GALNT15: variants seen among roughly 807,000 people sequenced by gnomAD.
GALNT15 encodes the protein polypeptide N-acetylgalactosaminyltransferase 15.
GALNT15 carries 67 observed loss-of-function variants against 66.8 expected under a neutral mutation model. The ratio of observed to expected loss-of-function variants is 1.00; its 90% confidence interval spans 0.82 to 1.23. GALNT15 has a LOEUF of 1.23. Ranked by LOEUF, GALNT15 falls within the 50% of genes most tolerant of loss-of-function variation. The pLI is 0.00. For synonymous variants in GALNT15, 313 were observed against 311.5 expected (o/e 1.00, Z -0.05); for missense variants, 827 against 804.3 (o/e 1.03, Z -0.34).
In GALNT15 at chr3:16,175,737, G is replaced by A. The variant is rs758534312; in HGVS notation, c.539+47G>A. 4.4e-5 allele frequency: 65 copies of A among 1,492,598 alleles called. 1 individual carries two copies. Among genetic ancestry groups the A allele is most frequent in the South Asian group, 2.8e-4 (21 of 74,862 alleles). The allele number at this position is 1,492,598 out of a possible 1,614,324, so 92.5% of individuals were successfully genotyped here. A position where few individuals can be genotyped will look rare whatever the true frequency, so the allele number is the denominator to read the frequency against. On this transcript the variant is annotated intron_variant, in intron 1 of 9. Transcript: ENST00000339732. The surrounding 1 kb of genome is among the most constrained non-coding windows in gnomAD (Gnocchi z 5.6). ...CCTTCCCTGATCCCAGGGCATGATCGGGTGGTAGCAAACTCGGGAATGCAA... is the reference window on the plus strand; with the variant it reads ...CCTTCCCTGATCCCAGGGCATGATCAGGTGGTAGCAAACTCGGGAATGCAA...
In GALNT15 at chr3:16,200,885, C is replaced by A; in HGVS notation, c.911+62C>A. 1 of 1,284,420 alleles carries A rather than the reference C, an allele frequency of 7.8e-7. No homozygotes were observed. The highest frequency in any genetic ancestry group is 1.1e-6 in the Non-Finnish European group (1 of 933,332). 79.6% of individuals were successfully genotyped at this position (1,284,420 alleles called of 1,614,324 possible). A position where few individuals can be genotyped will look rare whatever the true frequency, so the allele number is the denominator to read the frequency against. On this transcript the variant is annotated intron_variant, in intron 3 of 9. Transcript: ENST00000339732. The surrounding 1 kb of genome is among the most constrained non-coding windows in gnomAD (Gnocchi z 4.4). ...AACTGGGAGAAACAGTCTACAGCAT[C>A]AGCCACTCACAGAGCAACCCACCTA...
chr3:16,200,691 G>A lies in GALNT15; in HGVS notation c.779G>A (p.Arg260Lys). The A allele has an allele frequency of 6.2e-7, 1 of 1,610,484 alleles. No homozygotes were observed. Residue 260 changes from arginine (R) to lysine (K), a missense_variant, in exon 3 of 10, where the codon AGG becomes AAG. Transcript: ENST00000339732. This position sits in a 1 kb window ranked among gnomAD's most constrained non-coding sequence, Gnocchi z 4.4. The stretch of plus-strand genomic sequence containing the variant: ...GTGAAGTTACTCAGGAGCAACAAGA[G>A]GCTGGGTGCCATCAGGGCCCGGATG... ...EGVKLLRSNK[R>K]LGAIRARMLG...
rs929718887 is a variant in GALNT15 at position 16,229,605 on chromosome 3, C to T, written c.*2105C>T. Reference sequence around the variant, plus strand: ...GAGCTACAAATTCTCAGATGGCGACCGTGTAAATGGTATTAGCGGCTGAAG... The same window carrying T: ...GAGCTACAAATTCTCAGATGGCGACTGTGTAAATGGTATTAGCGGCTGAAG... On this transcript the variant is annotated 3_prime_UTR_variant, in exon 10 of 10. Transcript: ENST00000339732. 25 of 985,172 alleles carry T rather than the reference C, an allele frequency of 2.5e-5. No homozygotes were observed. In the African/African-American group the frequency reaches 2.6e-4, roughly 10 times the overall value. The allele number at this position is 985,172 out of a possible 1,614,324, so 61.0% of individuals were successfully genotyped here. A position where few individuals can be genotyped will look rare whatever the true frequency, so the allele number is the denominator to read the frequency against.
chr3:16,225,804 A>AG lies in GALNT15; in HGVS notation c.1774-1548dup, dbSNP rs927662461. Among the ~76,000 whole-genome samples, 1 of 152,102 alleles carries AG rather than the reference A, an allele frequency of 6.6e-6. No individual in the cohort carries two copies. Among genetic ancestry groups the AG allele is most frequent in the African/African-American group, 2.4e-5 (1 of 41,426 alleles). On this transcript the variant is annotated intron_variant, in intron 9 of 9. Transcript: ENST00000339732. This position sits in a 1 kb window ranked among gnomAD's most constrained non-coding sequence, Gnocchi z 4.4. The stretch of plus-strand genomic sequence containing the variant: ...CGGTGCCCAACACTTTGAGAGGCAG[A>AG]GGTGGGTGGATCACTTGAGGTCAGG...
downstream of GALNT15, chr3:16,231,934 C>T: frequency 1.3e-6 from 2 of 1,533,416 alleles, no homozygotes; most frequent in South Asian, 2.4e-5. The surrounding 1 kb of genome is among the most constrained non-coding windows in gnomAD (Gnocchi z 4.1). Context: ...CTCCTCTAGG[C>T]ACAGATCAAG....
rs921676068 is a variant in GALNT15, at chr3:16,227,773, T to A, written c.*273T>A. The A allele has an allele frequency of 4.9e-6, 6 of 1,215,272 alleles. No individual in the cohort carries two copies. The highest frequency in any genetic ancestry group is 6.2e-6 in the Non-Finnish European group (6 of 974,248). 75.3% of individuals were successfully genotyped at this position (1,215,272 alleles called of 1,614,324 possible). ...TTATTACATAGTACAGAAGATTCTT[T>A]GTTTTTCTCCACTGAGCACTTAACA... On this transcript the variant is annotated 3_prime_UTR_variant, in exon 10 of 10. Transcript: ENST00000339732. This position sits in a 1 kb window ranked among gnomAD's most constrained non-coding sequence, Gnocchi z 4.5.
Position 16,175,788 on chromosome 3 carries a change from C to G in GALNT15, c.539+98C>G. 1 of 1,127,108 alleles carries G rather than the reference C, an allele frequency of 8.9e-7. No individual in the cohort carries two copies. Among genetic ancestry groups the G allele is most frequent in the East Asian group, 2.6e-5 (1 of 39,054 alleles). 69.8% of individuals were successfully genotyped at this position (1,127,108 alleles called of 1,614,324 possible). Reference sequence around the variant, plus strand: ...ACTTTCCGTAGCCTGCCTCTCCTGACTTAGAGCAAGTGCTTTTCAAGATGC... The same window carrying G: ...ACTTTCCGTAGCCTGCCTCTCCTGAGTTAGAGCAAGTGCTTTTCAAGATGC... On this transcript the variant is annotated intron_variant, in intron 1 of 9. Transcript: ENST00000339732. This position sits in a 1 kb window ranked among gnomAD's most constrained non-coding sequence, Gnocchi z 5.6.
rs906820611 is a variant in GALNT15, at chr3:16,229,609, T to G, written c.*2109T>G. The G allele has an allele frequency of 1.0e-6, 1 of 985,350 alleles. No individual in the cohort carries two copies. Among genetic ancestry groups the G allele is most frequent in the African/African-American group, 1.7e-5 (1 of 57,258 alleles). 61.0% of individuals were successfully genotyped at this position (985,350 alleles called of 1,614,324 possible). ...TACAAATTCTCAGATGGCGACCGTG[T>G]AAATGGTATTAGCGGCTGAAGAAAA... On this transcript the variant is annotated 3_prime_UTR_variant, in exon 10 of 10. Coordinates refer to ENST00000339732, the MANE Select transcript of GALNT15 (RefSeq NM_054110.5).
downstream of GALNT15, among the ~76,000 whole-genome samples, chr3:16,232,516 T>C (rs1828902): frequency 1.7e-5 from 1 of 57,190 alleles, no homozygotes; most frequent in Admixed American, 2.0e-4. Flanking sequence ...ATATATTTAT[T>C]TAAAAGAGAC....
chr3:16,219,775 C>A lies in GALNT15; in HGVS notation c.1525-135C>A, dbSNP rs1325226340. ...CTTAGGGTCAGTGGCTTCAGCTTTA[C>A]CACACCTGTTGTTGTGGCCTGAACA... On this transcript the variant is annotated intron_variant, in intron 7 of 9. Coordinates refer to ENST00000339732, the MANE Select transcript of GALNT15 (RefSeq NM_054110.5). This position sits in a 1 kb window ranked among gnomAD's most constrained non-coding sequence, Gnocchi z 4.3. 4.5e-6 allele frequency: 4 copies of A among 891,928 alleles called. No homozygotes were observed. Among genetic ancestry groups the A allele is most frequent in the Admixed American group, 1.8e-5 (1 of 54,766 alleles). 55.3% of individuals were successfully genotyped at this position (891,928 alleles called of 1,614,324 possible).
intron 2 of GALNT15, among the ~76,000 whole-genome samples, 184 bp downstream of exon 2, chr3:16,196,110 G>C (rs765216932): frequency 1.1e-4 from 16 of 152,220 alleles, no homozygotes; most frequent in Admixed American, 1.0e-3. Context: ...CAGTAAGGCA[G>C]TGGGGGCTGC....
the GALNT15 span, among the ~76,000 whole-genome samples, chr3:16,247,440 G>T: frequency 6.6e-6 from 1 of 152,228 alleles, no homozygotes; most frequent in Non-Finnish European, 1.5e-5. Flanking sequence ...TGATGCCTTT[G>T]CCGTCTGCAT....
chr3:16,233,111 T>TTTTTTTTTTTTTTTTTTTTTC (rs1219622222), downstream of GALNT15, among the ~76,000 whole-genome samples: 1 of 136,756 alleles, frequency 7.3e-6, no homozygotes. Flanking sequence ...TTTTTTTTTT[T>TTTTTTTTTTTTTTTTTTTTTC]TTGAAACGGA....
rs141013059 is a variant in GALNT15 at position 16,225,327 on chromosome 3, T to G, written c.1774-2027T>G. ...ATTTAGGGAGGACCAACATCCAAAC[T>G]ATATCAACTACTAAACTTTACACTT... On this transcript the variant is annotated intron_variant, in intron 9 of 9. Coordinates refer to ENST00000339732, the MANE Select transcript of GALNT15 (RefSeq NM_054110.5). The surrounding 1 kb of genome is among the most constrained non-coding windows in gnomAD (Gnocchi z 4.4). Among the ~76,000 whole-genome samples the G allele has an allele frequency of 2.4e-4, 37 of 152,330 alleles. No individual in the cohort carries two copies. Among genetic ancestry groups the G allele is most frequent in the Non-Finnish European group, 4.0e-4 (27 of 68,036 alleles).
intron 3 of GALNT15, among the ~76,000 whole-genome samples, chr3:16,207,277 C>T (rs1392765067): frequency 6.6e-6 from 1 of 152,068 alleles, no homozygotes; most frequent in Non-Finnish European, 1.5e-5. Context: ...TCTCACTTCT[C>T]TTAGAGTGAT....
chr3:16,246,419 G>A, the GALNT15 span, among the ~76,000 whole-genome samples: 8 of 145,380 alleles, frequency 5.5e-5, no homozygotes, highest in South Asian at 2.2e-4. Context: ...TCCGCCTCCC[G>A]GGTTCAAGTG....
intron 3 of GALNT15, among the ~76,000 whole-genome samples, chr3:16,201,850 C>A (rs948388847): frequency 6.6e-6 from 1 of 152,170 alleles, no homozygotes; most frequent in African/African-American, 2.4e-5. Flanking sequence ...AATATCCTAC[C>A]CAGGAAAACT....
Position 16,227,027 on chromosome 3 carries a change from A to G in GALNT15, c.1774-327A>G, listed in dbSNP as rs879521689. Among the ~76,000 whole-genome samples, 5 of 152,246 alleles carry G rather than the reference A, an allele frequency of 3.3e-5. No individual in the cohort carries two copies. The highest frequency in any genetic ancestry group is 5.9e-5 in the Non-Finnish European group (4 of 68,054). On this transcript the variant is annotated intron_variant, in intron 9 of 9. Transcript: ENST00000339732. This position sits in a 1 kb window ranked among gnomAD's most constrained non-coding sequence, Gnocchi z 4.5. ...TTTGAAAGCAGAAATTTACAACTAC[A>G]GTGATAACAATGAATGTCACAAATA...
chr3:16,194,498 C>G (rs1230329940), intron 1 of GALNT15, among the ~76,000 whole-genome samples: 2 of 152,182 alleles, frequency 1.3e-5, no homozygotes, highest in Non-Finnish European at 2.9e-5. Context: ...TCTGTTCACT[C>G]TGATATTTCT....
Sources: allele counts gnomAD v4.1 joint callset (sites outside exome capture counted in the v4.1 genomes callset), GRCh38; gene constraint gnomAD v4.1.1; non-coding constraint Gnocchi (gnomAD v3.1); transcripts MANE v1.5; gene names NCBI Gene and HGNC (gene_info 2026-07-23, HGNC 2026-07-21).